AOPEP: variants seen among roughly 807,000 people sequenced by gnomAD.
AOPEP encodes aminopeptidase O.
AOPEP carries 77 observed loss-of-function variants against 98.1 expected under a neutral mutation model. The observed-to-expected ratio is 0.78, with a 90% CI of 0.65 to 0.95. The LOEUF is 0.95. Ranked by LOEUF, AOPEP falls within the 40% of genes least tolerant of loss-of-function variation. AOPEP has a pLI of 0.00. For synonymous variants in AOPEP, 346 were observed against 365.3 expected (o/e 0.95, Z 0.60); for missense variants, 1,024 against 1,024.7 (o/e 1.00, Z 0.01).
the AOPEP span, chr9:95,107,529 A>G: frequency 6.1e-4 from 345 of 565,432 alleles, no homozygotes; most frequent in African/African-American, 5.6e-3. Flanking sequence ...TTTGTATAAA[A>G]GGAAACAGAG....
chr9:95,101,838 C>T, the AOPEP span: 1 of 1,613,988 alleles, frequency 6.2e-7, no homozygotes, highest in Non-Finnish European at 8.5e-7. Flanking sequence ...GTTATCTCAG[C>T]AGTGTGAGCC....
intron 13 of AOPEP, among the ~76,000 whole-genome samples, chr9:95,023,300 T>C (rs1437845117): frequency 6.6e-6 from 1 of 152,200 alleles, no homozygotes; most frequent in Non-Finnish European, 1.5e-5. Context: ...AGAATGACGA[T>C]GAGGGCACGT....
chr9:95,087,082 C>A lies in AOPEP; in HGVS notation c.*405C>A. On this transcript the variant is annotated 3_prime_UTR_variant, in exon 17 of 17. Coordinates refer to ENST00000375315, the MANE Select transcript of AOPEP (RefSeq NM_001193329.3). Reference sequence around the variant, plus strand: ...AGTCACACAGCTCCTCTGTATGAGACCAGTGGGCGCCATTTAAAAGAACAG... The same window carrying A: ...AGTCACACAGCTCCTCTGTATGAGAACAGTGGGCGCCATTTAAAAGAACAG... 4.1e-6 allele frequency: 1 copy of A among 241,702 alleles called. No homozygotes were observed. The highest frequency in any genetic ancestry group is 6.7e-6 in the Non-Finnish European group (1 of 150,110). The allele number at this position is 241,702 out of a possible 1,614,324, so 15.0% of individuals were successfully genotyped here.
At position 94,932,829 on chromosome 9, in the gene AOPEP, T is replaced by C. The variant is rs559762521; in HGVS notation, c.1661+4298T>C. On this transcript the variant is annotated intron_variant, in intron 7 of 16. Coordinates refer to ENST00000375315, the MANE Select transcript of AOPEP (RefSeq NM_001193329.3). ...TTTGCTGTGTTTCCTTTGTATCCGA[T>C]GTGTCTGAGATTGACTTCCTTGTAA... The C allele has an allele frequency of 1.5e-5, 15 of 985,432 alleles. 1 individual carries two copies. In the East Asian group the frequency reaches 3.4e-4, roughly 22 times the overall value. The allele number at this position is 985,432 out of a possible 1,614,324, so 61.0% of individuals were successfully genotyped here. A position where few individuals can be genotyped will look rare whatever the true frequency, so the allele number is the denominator to read the frequency against.
At chr9:94,841,623 TATTGATTTTTAGTTA>T (rs1175735969) in intron 5 of AOPEP, among the ~76,000 whole-genome samples, 79 of 152,350 alleles carry the variant, frequency 5.2e-4, no homozygotes, top group Middle Eastern at 3.4e-3. Flanking sequence ...ACCTTTCTAT[TATTGATTTTTAGTTA>T]ATTCACTTAC....
At chr9:94,971,982 TGCCGAGGGCAGTGTG>T (rs146831861) in intron 10 of AOPEP, among the ~76,000 whole-genome samples, 11,672 of 151,866 alleles carry the variant, frequency 0.077, 1,133 homozygotes, top group African/African-American at 0.22. Flanking sequence ...GAAAGACACC[TGCCGAGGGCAGTGTG>T]GCCGAGGGCA....
In AOPEP at chr9:94,773,079, C is replaced by T; in HGVS notation, c.875C>T (p.Ser292Leu). 1 of 1,613,828 alleles carries T rather than the reference C, an allele frequency of 6.2e-7. No homozygotes were observed. Among genetic ancestry groups the T allele is most frequent in the Non-Finnish European group, 8.5e-7 (1 of 1,179,756 alleles). The change falls in exon 3 of 17, where the codon TCA (serine) becomes TTA (leucine). Residue 292 changes from serine to leucine, a missense_variant. Physicochemically the swap from Ser to Leu is moderately radical, Grantham distance 145. Coordinates refer to ENST00000375315, the MANE Select transcript of AOPEP (RefSeq NM_001193329.3). ...TGCCAGGAGCCACCCGTTGCCATGTCAACATGGCAGGCTACAGTTCGAGCA... is the reference window on the plus strand; with the variant it reads ...TGCCAGGAGCCACCCGTTGCCATGTTAACATGGCAGGCTACAGTTCGAGCA... ...FPCQEPPVAM[S>L]TWQATVRAAA...
At chr9:94,818,977 G>C (rs1852342380) in intron 5 of AOPEP, among the ~76,000 whole-genome samples, 1 of 152,234 alleles carries the variant, frequency 6.6e-6, no homozygotes, top group South Asian at 2.1e-4. Flanking sequence ...CTGGGCGACA[G>C]AGTGAGACTC....
chr9:95,066,256 A>G (rs1372454102), intron 14 of AOPEP, among the ~76,000 whole-genome samples: 4 of 152,136 alleles, frequency 2.6e-5, no homozygotes, highest in Non-Finnish European at 4.4e-5. Flanking sequence ...TATTCAATTC[A>G]GTGCCTCTGG....
chr9:95,094,940 G>A, the AOPEP span, among the ~76,000 whole-genome samples: 1 of 152,286 alleles, frequency 6.6e-6, no homozygotes, highest in East Asian at 1.9e-4. Flanking sequence ...TAGGATCTCT[G>A]CCTTCTAAGG....
At chr9:94,845,402 AG>A (rs1233544769) in intron 5 of AOPEP, among the ~76,000 whole-genome samples, 3 of 152,198 alleles carry the variant, frequency 2.0e-5, no homozygotes, top group Non-Finnish European at 4.4e-5. Flanking sequence ...GGGGCCTTAC[AG>A]GGTTTTTATT....
the AOPEP span, among the ~76,000 whole-genome samples, chr9:95,141,713 G>A: frequency 1.3e-5 from 2 of 152,150 alleles, no homozygotes; most frequent in Non-Finnish European, 2.9e-5. Context: ...ATATGCAAGA[G>A]CATAACAGAC....
At chr9:95,001,839 G>T (rs1022747004) in intron 11 of AOPEP, among the ~76,000 whole-genome samples, 23 of 151,970 alleles carry the variant, frequency 1.5e-4, no homozygotes. Context: ...GTGCAGTGGT[G>T]CCATCATGGC....
intron 5 of AOPEP, among the ~76,000 whole-genome samples, chr9:94,892,872 C>G (rs201267444): frequency 1.3e-5 from 2 of 152,096 alleles, no homozygotes; most frequent in South Asian, 4.2e-4. Flanking sequence ...GGCCACGTCA[C>G]CTGACTAATT....
At chr9:95,042,939 T>C (rs1412448357) in intron 13 of AOPEP, among the ~76,000 whole-genome samples, 1 of 152,106 alleles carries the variant, frequency 6.6e-6, no homozygotes, top group Non-Finnish European at 1.5e-5. Flanking sequence ...GGGGAGTTCA[T>C]AGGGTTTGAT....
At chr9:94,900,391 G>A (rs1449157831) in intron 5 of AOPEP, 1 of 152,242 alleles carries the variant, frequency 6.6e-6, no homozygotes, top group Non-Finnish European at 1.5e-5. Flanking sequence ...TCCTTCCCAG[G>A]TCGTCAAGTA....
At chr9:95,007,635 G>A (rs544656218) in intron 13 of AOPEP, among the ~76,000 whole-genome samples, 2 of 152,320 alleles carry the variant, frequency 1.3e-5, no homozygotes, top group Admixed American at 1.3e-4. Flanking sequence ...GTGAGGAAGG[G>A]CTAGAAGATA....
rs185405920 is a variant in AOPEP at position 95,075,046 on chromosome 9, G to A, written c.2233-5648G>A. Among the ~76,000 whole-genome samples the A allele has an allele frequency of 3.9e-5, 6 of 152,214 alleles. No individual in the cohort carries two copies. The East Asian group carries it at 9.7e-4, about 25-fold the overall frequency. ...GCCCTGTCCCTGTTTCCCTTCTGCC[G>A]TCTTGTTCTTTCTCTACTTGCCCAG... On this transcript the variant is annotated intron_variant, in intron 14 of 16. Coordinates refer to ENST00000375315, the MANE Select transcript of AOPEP (RefSeq NM_001193329.3).
At chr9:95,091,008 C>T (rs1383113030), downstream of AOPEP, among the ~76,000 whole-genome samples, 1 of 152,162 alleles carries the variant, frequency 6.6e-6, no homozygotes, top group Non-Finnish European at 1.5e-5. Flanking sequence ...CTTCCCTCCA[C>T]CTCGATTCAG....
Sources: allele counts gnomAD v4.1 joint callset (sites outside exome capture counted in the v4.1 genomes callset), GRCh38; gene constraint gnomAD v4.1.1; transcripts MANE v1.5; gene names NCBI Gene and HGNC (gene_info 2026-07-23, HGNC 2026-07-21).